ERLEC1: variants seen among roughly 807,000 people sequenced by gnomAD.
ERLEC1 encodes the protein endoplasmic reticulum lectin 1, also known as ER lectin.
ERLEC1 carries 47 observed loss-of-function variants against 68.0 expected under a neutral mutation model. The observed-to-expected ratio is 0.69, with a 90% CI of 0.55 to 0.88. The LOEUF (loss-of-function observed/expected upper bound fraction) is 0.88, where lower values mean the gene tolerates loss of function less well. ERLEC1 is among the 40% of genes least tolerant of loss of function. The pLI, the probability that ERLEC1 is intolerant of heterozygous loss-of-function variation, is 0.00. For synonymous variants in ERLEC1, 225 were observed against 203.2 expected, an observed-to-expected ratio of 1.11 and a Z score of -0.91; for missense variants, 567 against 583.8, an observed-to-expected ratio of 0.97 and a Z score of 0.30.
At chr2:53,802,290 C>T (rs2542591) in intron 8 of ERLEC1, among the ~76,000 whole-genome samples, 39,526 of 152,086 alleles carry the variant, frequency 0.26, 5,675 homozygotes, top group South Asian at 0.33. Flanking sequence ...TTTTAATAAT[C>T]TCACACTCAT....
At position 53,799,084 on chromosome 2, in the gene ERLEC1, A is replaced by C; in HGVS notation, c.525+3A>C. 1.2e-6 allele frequency: 2 copies of C among 1,611,526 alleles called. No individual in the cohort carries two copies. Among genetic ancestry groups the C allele is most frequent in the Non-Finnish European group, 1.7e-6 (2 of 1,178,394 alleles). On this transcript the variant is annotated splice_donor_region_variant and intron_variant, in intron 6 of 13. Transcript: ENST00000185150. ...AAGAAAAGGAAAAATCAAATGAGGC[A>C]AGTGACAGATGTTGATTTTTTTCCT...
At position 53,818,037 on chromosome 2, in the gene ERLEC1, C is replaced by G. The variant is rs745440041; in HGVS notation, c.*68C>G. 9.7e-7 allele frequency: 1 copy of G among 1,034,768 alleles called. No homozygotes were observed. Among genetic ancestry groups the G allele is most frequent in the Non-Finnish European group, 1.5e-6 (1 of 658,248 alleles). 64.1% of individuals were successfully genotyped at this position (1,034,768 alleles called of 1,614,324 possible). A position where few individuals can be genotyped will look rare whatever the true frequency, so the allele number is the denominator to read the frequency against. ...TGATAATTTCTGTCCCACTGTGTCT[C>G]ATTATAGAGTTCTCAGCCATTGGAC... On this transcript the variant is annotated 3_prime_UTR_variant, in exon 14 of 14. Coordinates refer to ENST00000185150, the MANE Select transcript of ERLEC1 (RefSeq NM_015701.5).
At chr2:53,795,143 C>T (rs1675621202) in intron 2 of ERLEC1, among the ~76,000 whole-genome samples, 1 of 152,168 alleles carries the variant, frequency 6.6e-6, no homozygotes, top group Non-Finnish European at 1.5e-5. Flanking sequence ...TTTCTTCCTC[C>T]TAAAATGCCC....
Position 53,797,923 on chromosome 2 carries a change from G to T in ERLEC1, c.490+128G>T, listed in dbSNP as rs551440105. The stretch of plus-strand genomic sequence containing the variant: ...TTTAAAATACTGAAATAGGCTGGGC[G>T]CGGTGGCTGACGCGTGTAATCCCAG... On this transcript the variant is annotated intron_variant, in intron 5 of 13. Coordinates refer to ENST00000185150, the MANE Select transcript of ERLEC1 (RefSeq NM_015701.5). 4 of 850,042 alleles carry T rather than the reference G, an allele frequency of 4.7e-6. No homozygotes were observed. In the African/African-American group the frequency reaches 5.1e-5, roughly 11 times the overall value. 52.7% of individuals were successfully genotyped at this position (850,042 alleles called of 1,614,324 possible).
chr2:53,814,875 T>G lies in ERLEC1; in HGVS notation c.1320T>G (p.Asp440Glu), dbSNP rs773592616. 1 of 1,608,618 alleles carries G rather than the reference T, an allele frequency of 6.2e-7. No homozygotes were observed. The highest frequency in any genetic ancestry group is 8.5e-7 in the Non-Finnish European group (1 of 1,176,198). ...TCTGTTTTAGGTGCAAAGAATCAGATTCACCTCATGCTGTTACTGTATATA... is the reference window on the plus strand; with the variant it reads ...TCTGTTTTAGGTGCAAAGAATCAGAGTCACCTCATGCTGTTACTGTATATA... ...VTVKLKCKES[D>E]SPHAVTVYML... The change falls in exon 13 of 14, where the codon GAT becomes GAG. Residue 440 changes from aspartate (D) to glutamate (E), a missense_variant. Physicochemically the swap from Asp to Glu is conservative, Grantham distance 45. Coordinates refer to ENST00000185150, the MANE Select transcript of ERLEC1 (RefSeq NM_015701.5).
chr2:53,809,538 C>A (rs560144506), intron 10 of ERLEC1, among the ~76,000 whole-genome samples: 1 of 152,064 alleles, frequency 6.6e-6, no homozygotes. Context: ...GTGGCTATAC[C>A]TCTTTTGCTT....
intron 3 of ERLEC1, among the ~76,000 whole-genome samples, chr2:53,796,512 T>C (rs1675710877): frequency 6.6e-6 from 1 of 151,904 alleles, no homozygotes; most frequent in Admixed American, 6.6e-5. Context: ...CAGGCTAGAG[T>C]ATAGTGGCAT....
intron 8 of ERLEC1, among the ~76,000 whole-genome samples, chr2:53,804,062 C>T (rs948393254): frequency 2.6e-5 from 4 of 152,112 alleles, no homozygotes; most frequent in East Asian, 1.9e-4. Context: ...ACCTGGGCAG[C>T]GGAGCTTGCA....
At chr2:53,807,411 C>CTT (rs11401790) in intron 8 of ERLEC1, among the ~76,000 whole-genome samples, 11 of 151,528 alleles carry the variant, frequency 7.3e-5, no homozygotes, top group East Asian at 3.9e-4. Flanking sequence ...CCCTTACTGC[C>CTT]TTTTTTTTCT....
At chr2:53,812,878 C>G in intron 10 of ERLEC1, 71 bp from the exon 11 acceptor site, 2 of 1,518,810 alleles carry the variant, frequency 1.3e-6, no homozygotes, top group South Asian at 1.2e-5. Context: ...ACAAGAAGGT[C>G]AGGTCATCAG....
At chr2:53,799,484 G>C (rs1406883546) in intron 6 of ERLEC1, among the ~76,000 whole-genome samples, 1 of 151,972 alleles carries the variant, frequency 6.6e-6, no homozygotes, top group African/African-American at 2.4e-5. Context: ...TTAAAAGCAG[G>C]GACAGTCTTT....
intron 10 of ERLEC1, 70 bp downstream of exon 10, chr2:53,809,343 A>C (rs910540554): frequency 1.9e-6 from 2 of 1,045,634 alleles, no homozygotes; most frequent in African/African-American, 3.4e-5. Context: ...TTGTAGAAAA[A>C]AAGGGGGAAT....
intron 1 of ERLEC1, among the ~76,000 whole-genome samples, chr2:53,789,620 C>A (rs1260025269): frequency 6.6e-6 from 1 of 152,022 alleles, no homozygotes; most frequent in Non-Finnish European, 1.5e-5. Flanking sequence ...TGAATTGTCA[C>A]AAGGCCTATG....
chr2:53,799,508 C>T (rs907503286), intron 6 of ERLEC1, among the ~76,000 whole-genome samples: 1 of 152,094 alleles, frequency 6.6e-6, no homozygotes, highest in Non-Finnish European at 1.5e-5. Context: ...CTCTTTACCC[C>T]ACAGTACAAA....
intron 10 of ERLEC1, among the ~76,000 whole-genome samples, chr2:53,811,346 T>C (rs370310912): frequency 7.2e-5 from 11 of 152,234 alleles, no homozygotes; most frequent in African/African-American, 2.2e-4. Context: ...GACATTTCTA[T>C]TAACATACTT....
At chr2:53,813,553 C>A (rs1260860459) in intron 11 of ERLEC1, among the ~76,000 whole-genome samples, 1 of 152,136 alleles carries the variant, frequency 6.6e-6, no homozygotes, top group African/African-American at 2.4e-5. Context: ...CCTCACATCT[C>A]TTTTAGGATA....
At chr2:53,814,225 G>C (rs946675532) in intron 11 of ERLEC1, among the ~76,000 whole-genome samples, 4 of 152,042 alleles carry the variant, frequency 2.6e-5, no homozygotes, top group Non-Finnish European at 5.9e-5. Flanking sequence ...TAGTGGGCTA[G>C]GGAAATTGAT....
At chr2:53,795,441 T>C (rs980492743) in intron 2 of ERLEC1, among the ~76,000 whole-genome samples, 1 of 152,042 alleles carries the variant, frequency 6.6e-6, no homozygotes, top group Admixed American at 6.6e-5. Context: ...TTAAGTCTCC[T>C]TGAGACACAC....
Position 53,808,377 on chromosome 2 carries a change from A to C in ERLEC1, c.958A>C (p.Thr320Pro). 6.2e-7 allele frequency: 1 copy of C among 1,614,218 alleles called. No homozygotes were observed. Residue 320 changes from threonine to proline, a missense_variant, in exon 9 of 14, where the codon ACT (threonine) becomes CCT (proline). Thr to Pro is a conservative substitution (Grantham distance 38, BLOSUM62 -1). Transcript: ENST00000185150. ...TGCTATTGGCTCTCAGCCAGTGCTCACTGTTGGGACAACCCACATATCCAA... is the reference window on the plus strand; with the variant it reads ...TGCTATTGGCTCTCAGCCAGTGCTCCCTGTTGGGACAACCCACATATCCAA... ...SIAIGSQPVLTVGTTHISKLT... is the reference protein window; with the variant it reads ...SIAIGSQPVLPVGTTHISKLT...
Sources: gnomAD v4.1 joint callset for allele counts (sites outside exome capture counted in the v4.1 genomes callset) on GRCh38, gnomAD v4.1.1 for gene constraint, MANE v1.5 for transcripts, NCBI Gene and HGNC (gene_info 2026-07-23, HGNC 2026-07-21) for gene names.